HS3ST5: variants seen among roughly 807,000 people sequenced by gnomAD.
The protein encoded by HS3ST5 is heparan sulfate glucosamine 3-O-sulfotransferase 5.
A neutral mutation model predicts 25.4 loss-of-function variants in HS3ST5; 10 were observed. That is an observed-to-expected ratio of 0.39 (90% CI 0.24 to 0.67). The LOEUF is 0.67. Among genes scored for constraint, HS3ST5 ranks in the 30% least tolerant of loss-of-function variants. The probability of loss-of-function intolerance (pLI) is 0.44; values close to 1 mark genes in which losing one functional copy is unlikely to be tolerated. For synonymous variants in HS3ST5, 170 were observed against 162.4 expected (o/e 1.05, Z -0.36); for missense variants, 324 against 420.7 (o/e 0.77, Z 2.01).
At chr6:114,277,951 T>C (rs1773935014) in intron 1 of HS3ST5, among the ~76,000 whole-genome samples, 1 of 151,992 alleles carries the variant, frequency 6.6e-6, no homozygotes, top group South Asian at 2.1e-4. Context: ...AAACATGAAA[T>C]GGTCACCCTA....
intron 1 of HS3ST5, among the ~76,000 whole-genome samples, chr6:114,229,163 C>A (rs571011121): frequency 8.7e-4 from 133 of 152,270 alleles, no homozygotes; most frequent in African/African-American, 3.1e-3. Context: ...AAATGGGATA[C>A]TTTAAATCCC....
At chr6:114,125,975 T>C (rs1235613639) in intron 3 of HS3ST5, among the ~76,000 whole-genome samples, 1 of 152,180 alleles carries the variant, frequency 6.6e-6, no homozygotes, top group African/African-American at 2.4e-5. Context: ...GAAAAATACC[T>C]ATAGGAGGCC....
At chr6:114,276,026 A>C (rs892196393) in intron 1 of HS3ST5, among the ~76,000 whole-genome samples, 5 of 152,020 alleles carry the variant, frequency 3.3e-5, no homozygotes, top group African/African-American at 9.6e-5. Context: ...ACAATCTCAA[A>C]CACCACCCGA....
intron 2 of HS3ST5, among the ~76,000 whole-genome samples, chr6:114,220,178 G>T (rs1781966251): frequency 1.3e-5 from 2 of 152,120 alleles, no homozygotes; most frequent in South Asian, 2.1e-4. Flanking sequence ...TAAAGCCATG[G>T]TTTTATCTTT....
In HS3ST5 at chr6:114,057,754, C is replaced by T; in HGVS notation, c.544G>A (p.Val182Ile). The change falls in exon 5 of 5, where the codon GTC becomes ATC. Residue 182 changes from valine to isoleucine, a missense_variant. Physicochemically the swap from Val to Ile is conservative, Grantham distance 29 (BLOSUM62 3). This residue lies in a region of HS3ST5 where 203 missense variants were observed against 303.4 expected (regional missense o/e 0.67). Coordinates refer to ENST00000312719, the MANE Select transcript of HS3ST5 (RefSeq NM_153612.4). ...MNSSIKLLII[V>I]REPTTRAISD... ...ATAGCTCTTGTGGTTGGCTCCCTGACAATGATCAACAACTTGATGGATGAG... is the reference window on the plus strand; with the variant it reads ...ATAGCTCTTGTGGTTGGCTCCCTGATAATGATCAACAACTTGATGGATGAG... 1.2e-6 allele frequency: 2 copies of T among 1,614,168 alleles called. No individual in the cohort carries two copies. Among genetic ancestry groups the T allele is most frequent in the South Asian group, 2.2e-5 (2 of 91,080 alleles).
chr6:114,072,158 A>T (rs573568559), intron 3 of HS3ST5, among the ~76,000 whole-genome samples: 1 of 152,170 alleles, frequency 6.6e-6, no homozygotes, highest in African/African-American at 2.4e-5. Context: ...TGTATCTCTC[A>T]TCTTTGTCTA....
At position 114,149,756 on chromosome 6, in the gene HS3ST5, A is replaced by G. The variant is rs531120040; in HGVS notation, c.-33+18595T>C. 9.2e-5 allele frequency among the ~76,000 whole-genome samples: 14 copies of G among 152,258 alleles called. 1 individual carries two copies. Among genetic ancestry groups the G allele is most frequent in the African/African-American group, 3.4e-4 (14 of 41,556 alleles). ...GTAAAATTTTAAAAATTAAAAAAAA[A>G]TTTCTTAGGTCAGCACAAATTTTAA... On this transcript the variant is annotated intron_variant, in intron 3 of 4. Transcript: ENST00000312719.
chr6:114,105,708 ATAAC>A (rs1254925170), intron 3 of HS3ST5, among the ~76,000 whole-genome samples: 1 of 152,130 alleles, frequency 6.6e-6, no homozygotes, highest in Non-Finnish European at 1.5e-5. Context: ...ATTTGCTATA[ATAAC>A]TAACTGATCA....
chr6:114,321,215 AAAAAT>A (rs1263728150), intron 1 of HS3ST5, among the ~76,000 whole-genome samples: 4 of 152,122 alleles, frequency 2.6e-5, no homozygotes, highest in Non-Finnish European at 5.9e-5. Flanking sequence ...TTAAAAATAT[AAAAAT>A]ACCTAGCACA....
chr6:114,071,819 T>G (rs573985930), intron 3 of HS3ST5, among the ~76,000 whole-genome samples: 3 of 152,250 alleles, frequency 2.0e-5, no homozygotes, highest in Non-Finnish European at 4.4e-5. Flanking sequence ...GATTCGCTGA[T>G]TGTTAATGTT....
At chr6:114,244,952 A>G (rs993142273) in intron 1 of HS3ST5, among the ~76,000 whole-genome samples, 1 of 152,246 alleles carries the variant, frequency 6.6e-6, no homozygotes, top group Admixed American at 6.5e-5. Flanking sequence ...TGATCTCATG[A>G]TAACATATTA....
At chr6:114,069,359 T>C (rs1184293766) in intron 3 of HS3ST5, among the ~76,000 whole-genome samples, 6 of 151,946 alleles carry the variant, frequency 3.9e-5, no homozygotes, top group African/African-American at 1.5e-4. Flanking sequence ...TTTTTTTTAA[T>C]GGAAACTGAG....
In HS3ST5 at chr6:114,246,607, T is replaced by C. The variant is rs545785494; in HGVS notation, c.-338-17829A>G. ...CTTTAATGATACCTTAGGCAACGCT[T>C]ATACAGCAGTGTTCCTATTAAGAGA... On this transcript the variant is annotated intron_variant, in intron 1 of 4. Transcript: ENST00000312719. Among the ~76,000 whole-genome samples the C allele has an allele frequency of 2.0e-5, 3 of 152,344 alleles. No individual in the cohort carries two copies. The South Asian group carries it at 6.2e-4, about 32-fold the overall frequency.
At chr6:114,338,929 A>G (rs957516076) in intron 1 of HS3ST5, among the ~76,000 whole-genome samples, 2 of 152,052 alleles carry the variant, frequency 1.3e-5, no homozygotes, top group Non-Finnish European at 2.9e-5. Flanking sequence ...TTTTGTTTTG[A>G]GCTCCCCTCA....
At chr6:114,080,219 G>A (rs6919170) in intron 3 of HS3ST5, among the ~76,000 whole-genome samples, 52,260 of 152,002 alleles carry the variant, frequency 0.34, 9,136 homozygotes, top group Non-Finnish European at 0.37. Context: ...GGGTGATTAG[G>A]TCACCCAAGA....
intron 1 of HS3ST5, among the ~76,000 whole-genome samples, chr6:114,262,976 G>C (rs1338327242): frequency 6.6e-6 from 1 of 152,050 alleles, no homozygotes; most frequent in East Asian, 1.9e-4. Flanking sequence ...AATGTAGAAA[G>C]TCTAGGAGAT....
At chr6:114,101,790 G>T (rs1039683698) in intron 3 of HS3ST5, among the ~76,000 whole-genome samples, 3 of 152,160 alleles carry the variant, frequency 2.0e-5, no homozygotes, top group Non-Finnish European at 2.9e-5. Flanking sequence ...TAAAGGCATG[G>T]AATCAACCTA....
At chr6:114,075,938 C>G (rs1562186264) in intron 3 of HS3ST5, among the ~76,000 whole-genome samples, 1 of 152,112 alleles carries the variant, frequency 6.6e-6, no homozygotes, top group Non-Finnish European at 1.5e-5. Context: ...CTCCACAAAG[C>G]CTTAGAGTCC....
At chr6:114,177,409 T>G (rs1779774527) in intron 2 of HS3ST5, among the ~76,000 whole-genome samples, 1 of 152,176 alleles carries the variant, frequency 6.6e-6, no homozygotes, top group Non-Finnish European at 1.5e-5. Context: ...TAAGTGTGTA[T>G]GTAATCAAGT....
Sources: allele counts gnomAD v4.1 joint callset (sites outside exome capture counted in the v4.1 genomes callset), GRCh38; gene constraint gnomAD v4.1.1; regional missense constraint gnomAD v4.1.1; transcripts MANE v1.5; gene names NCBI Gene and HGNC (gene_info 2026-07-23, HGNC 2026-07-21).